NR2C2: variants seen among roughly 807,000 people sequenced by gnomAD.
NR2C2 encodes the protein Nuclear hormone receptor TR4.
Under a neutral mutation model 62.9 loss-of-function variants are expected in NR2C2, and 6 were observed. The ratio of observed to expected loss-of-function variants is 0.10; its 90% confidence interval spans 0.05 to 0.19. NR2C2 has a LOEUF of 0.19. NR2C2 is among the 10% of genes least tolerant of loss of function. The probability of loss-of-function intolerance (pLI) is 1.00; values close to 1 mark genes in which losing one functional copy is unlikely to be tolerated. For synonymous variants in NR2C2, 272 were observed against 273.8 expected (o/e 0.99, Z 0.07); for missense variants, 479 against 762.7 (o/e 0.63, Z 4.38).
chr3:15,004,154 C>T (rs2124932726), intron 2 of NR2C2, among the ~76,000 whole-genome samples, 168 bp downstream of exon 2: 1 of 152,288 alleles, frequency 6.6e-6, no homozygotes, highest in East Asian at 1.9e-4. Context: ...ATTTATTTAA[C>T]CAACTTACAT....
At chr3:15,030,252 A>G (rs1167748963) in intron 8 of NR2C2, 23 bp from the exon 9 acceptor site, 1 of 1,598,910 alleles carries the variant, frequency 6.3e-7, no homozygotes, top group South Asian at 1.1e-5. Flanking sequence ...CACAACAATT[A>G]CATGCTTCAT....
At chr3:15,001,340 GT>G (rs1341013518) in intron 1 of NR2C2, among the ~76,000 whole-genome samples, 6 of 75,908 alleles carry the variant, frequency 7.9e-5, no homozygotes, top group Admixed American at 2.5e-4. Context: ...TTTTTTTTTG[GT>G]TTTTTTTTTG....
chr3:14,966,638 C>T (rs2039866812), intron 1 of NR2C2, among the ~76,000 whole-genome samples: 1 of 152,274 alleles, frequency 6.6e-6, no homozygotes, highest in South Asian at 2.1e-4. Flanking sequence ...TGCATTTTTG[C>T]TTCATGAAAT....
intron 1 of NR2C2, among the ~76,000 whole-genome samples, chr3:14,971,372 C>T (rs1303056566): frequency 6.6e-6 from 1 of 151,644 alleles, no homozygotes; most frequent in African/African-American, 2.4e-5. Flanking sequence ...CCTGCCTTGG[C>T]CTCCCAAAGT....
rs1035756093 is a variant in NR2C2, at chr3:15,043,085, T to C, written c.*77T>C. 10 of 1,406,966 alleles carry C rather than the reference T, an allele frequency of 7.1e-6. No homozygotes were observed. The highest frequency in any genetic ancestry group is 9.6e-6 in the Non-Finnish European group (10 of 1,042,552). 87.2% of individuals were successfully genotyped at this position (1,406,966 alleles called of 1,614,324 possible). On this transcript the variant is annotated 3_prime_UTR_variant, in exon 14 of 14. Transcript: ENST00000425241. The stretch of plus-strand genomic sequence containing the variant: ...CATACAAAGAAAAGTAGTGGTATTT[T>C]GGTATGTGCAAATATTTCCATATGT...
chr3:15,013,842 C>A, intron 3 of NR2C2, 53 bp downstream of exon 3: 1 of 1,579,430 alleles, frequency 6.3e-7, no homozygotes, highest in Non-Finnish European at 8.7e-7. Flanking sequence ...TGAACTTGTT[C>A]CTGACTTGTT....
chr3:15,023,417 A>T, intron 6 of NR2C2, 70 bp downstream of exon 6: 5 of 1,563,728 alleles, frequency 3.2e-6, no homozygotes, highest in Non-Finnish European at 4.4e-6. Context: ...GTCCCACAGC[A>T]GGCACTGTTG....
Position 15,048,925 on chromosome 3 carries a change from T to C in NR2C2, c.*5917T>C, listed in dbSNP as rs1365999000. ...TTCTTGGGACCGTTTCTGTAACCTT[T>C]GCCCTTCACAATATAGAAAATATTG... On this transcript the variant is annotated 3_prime_UTR_variant, in exon 14 of 14. Transcript: ENST00000425241. 6.6e-6 allele frequency: 1 copy of C among 152,670 alleles called. No individual in the cohort carries two copies. The highest frequency in any genetic ancestry group is 1.5e-5 in the Non-Finnish European group (1 of 68,038). 9.5% of individuals were successfully genotyped at this position (152,670 alleles called of 1,614,324 possible). A position where few individuals can be genotyped will look rare whatever the true frequency, so the allele number is the denominator to read the frequency against.
chr3:14,956,253 G>A (rs2039522988), intron 1 of NR2C2, among the ~76,000 whole-genome samples: 1 of 152,128 alleles, frequency 6.6e-6, no homozygotes, highest in Non-Finnish European at 1.5e-5. Context: ...CAAGTTTCAA[G>A]CTATGTATTT....
intron 1 of NR2C2, among the ~76,000 whole-genome samples, chr3:14,960,720 G>T (rs2039666476): frequency 6.6e-6 from 1 of 152,098 alleles, no homozygotes; most frequent in Non-Finnish European, 1.5e-5. Flanking sequence ...ATTATTAGTT[G>T]CAGCCACATG....
chr3:14,995,335 A>AC (rs1261772143), intron 1 of NR2C2, among the ~76,000 whole-genome samples: 5 of 151,254 alleles, frequency 3.3e-5, no homozygotes, highest in African/African-American at 1.2e-4. Flanking sequence ...AAAAAAAAAA[A>AC]AACCCCACAC....
intron 1 of NR2C2, among the ~76,000 whole-genome samples, chr3:14,958,845 G>A (rs1278696871): frequency 6.6e-6 from 1 of 152,116 alleles, no homozygotes; most frequent in Non-Finnish European, 1.5e-5. Flanking sequence ...GCATGGTGGC[G>A]CATGCCTGTA....
intron 4 of NR2C2, among the ~76,000 whole-genome samples, chr3:15,019,016 TAAA>T (rs35022020): frequency 9.1e-5 from 7 of 76,514 alleles, no homozygotes; most frequent in African/African-American, 4.1e-4. Flanking sequence ...ACTCTTGTCT[TAAA>T]AAAAAAAAAA....
rs781479344 is a variant in NR2C2, at chr3:15,042,819, C to T, written c.1617-15C>T. On this transcript the variant is annotated splice_polypyrimidine_tract_variant and intron_variant, in intron 13 of 13. Transcript: ENST00000425241. The stretch of plus-strand genomic sequence containing the variant: ...ATCAAACAGTCTCCTTTTCTAATGA[C>T]ACTCCCTTTTATAGATTGGCCCGGA... 6.2e-7 allele frequency: 1 copy of T among 1,610,270 alleles called. No homozygotes were observed. Among genetic ancestry groups the T allele is most frequent in the South Asian group, 1.1e-5 (1 of 90,426 alleles).
intron 3 of NR2C2, among the ~76,000 whole-genome samples, chr3:15,014,224 C>T (rs1165144576): frequency 6.6e-6 from 1 of 152,224 alleles, no homozygotes; most frequent in Non-Finnish European, 1.5e-5. Context: ...CTGTGTACTA[C>T]TCGCCCTGGG....
At chr3:15,040,407 T>C (rs1221642632) in intron 13 of NR2C2, among the ~76,000 whole-genome samples, 1 of 152,186 alleles carries the variant, frequency 6.6e-6, no homozygotes, top group African/African-American at 2.4e-5. Context: ...GGAACAAAAT[T>C]GACAGCCTGG....
chr3:14,994,571 T>A (rs1385007426), intron 1 of NR2C2, among the ~76,000 whole-genome samples: 1 of 149,264 alleles, frequency 6.7e-6, no homozygotes, highest in Admixed American at 6.8e-5. Flanking sequence ...GACTCCCGAG[T>A]AGCTGGGACT....
chr3:14,950,850 C>A (rs190933940), intron 1 of NR2C2, among the ~76,000 whole-genome samples: 1,830 of 152,284 alleles, frequency 0.012, 25 homozygotes, highest in South Asian at 0.056. Flanking sequence ...TTGATGGATA[C>A]CTTTTGTGTG....
intron 1 of NR2C2, among the ~76,000 whole-genome samples, chr3:14,950,602 C>T (rs1248156329): frequency 6.8e-6 from 1 of 147,084 alleles, no homozygotes; most frequent in Non-Finnish European, 1.5e-5. Flanking sequence ...ATTCCCATTG[C>T]CAGTCTAAAT....
Sources: allele counts gnomAD v4.1 joint callset (sites outside exome capture counted in the v4.1 genomes callset), GRCh38; gene constraint gnomAD v4.1.1; transcripts MANE v1.5; gene names NCBI Gene and HGNC (gene_info 2026-07-23, HGNC 2026-07-21).